ZC3H12B: variants seen among roughly 807,000 people sequenced by gnomAD.
ZC3H12B encodes the protein probable ribonuclease ZC3H12B.
A neutral mutation model predicts 43.9 loss-of-function variants in ZC3H12B; 7 were observed. The observed-to-expected ratio is 0.16, with a 90% CI of 0.09 to 0.30. The LOEUF is 0.30. Among genes scored for constraint, ZC3H12B ranks in the 10% least tolerant of loss-of-function variants. ZC3H12B has a pLI of 1.00. For synonymous variants in ZC3H12B, 222 were observed against 241.7 expected (o/e 0.92, Z 0.76); for missense variants, 475 against 670.2 (o/e 0.71, Z 3.22).
At chrX:65,197,781 C>G in the ZC3H12B span, among the ~76,000 whole-genome samples, 7 of 112,301 alleles carry the variant, frequency 6.2e-5, no homozygotes, top group Non-Finnish European at 1.3e-4. Context: ...TTCAATCACT[C>G]GATCTAGGTT....
chrX:65,474,455 A>T (rs2067966438), intron 3 of ZC3H12B, among the ~76,000 whole-genome samples: 1 of 111,495 alleles, frequency 9.0e-6, no homozygotes, highest in Non-Finnish European at 1.9e-5. Flanking sequence ...AAAGAAAAAA[A>T]TCTATTCAGC....
chrX:65,154,171 G>T, the ZC3H12B span, among the ~76,000 whole-genome samples: 1 of 111,042 alleles, frequency 9.0e-6, no homozygotes, highest in Non-Finnish European at 1.9e-5. Context: ...CATGTCACAT[G>T]TATACATATG....
chrX:65,346,278 CA>C, the ZC3H12B span, among the ~76,000 whole-genome samples: 1 of 104,823 alleles, frequency 9.5e-6, no homozygotes, highest in Non-Finnish European at 2.0e-5. Context: ...AAAAAAAATA[CA>C]CATAGAATAA....
the ZC3H12B span, among the ~76,000 whole-genome samples, chrX:65,234,844 T>A: frequency 9.0e-6 from 1 of 111,318 alleles, no homozygotes; most frequent in African/African-American, 3.3e-5. Context: ...ATGCTCTTTC[T>A]CCCCCCACCA....
the ZC3H12B span, among the ~76,000 whole-genome samples, chrX:65,106,239 T>C: frequency 2.7e-5 from 3 of 111,744 alleles, no homozygotes; most frequent in African/African-American, 9.7e-5. Context: ...CCACTAATCA[T>C]TAATAGCATT....
chrX:65,447,139 T>C (rs2067388522), intron 3 of ZC3H12B, among the ~76,000 whole-genome samples: 2 of 111,594 alleles, frequency 1.8e-5, no homozygotes, highest in South Asian at 7.5e-4. Flanking sequence ...CTCTTCTCCT[T>C]CTTGCACTTC....
the ZC3H12B span, among the ~76,000 whole-genome samples, chrX:65,281,983 A>G: frequency 8.9e-6 from 1 of 112,156 alleles, no homozygotes; most frequent in Non-Finnish European, 1.9e-5. Flanking sequence ...GTGATGCACC[A>G]CATTAAAGAA....
the ZC3H12B span, among the ~76,000 whole-genome samples, chrX:65,170,940 A>AT: frequency 6.3e-5 from 7 of 111,226 alleles, no homozygotes; most frequent in African/African-American, 2.3e-4. Context: ...TTCGTCTAAT[A>AT]TTTTTTCAAG....
At chrX:65,363,755 C>A (rs1182078794), upstream of ZC3H12B, among the ~76,000 whole-genome samples, 1 of 112,214 alleles carries the variant, frequency 8.9e-6, no homozygotes, top group Non-Finnish European at 1.9e-5. Context: ...TGTCTCCATG[C>A]AGCGGCCGCT....
At chrX:65,044,316 T>C in the ZC3H12B span, among the ~76,000 whole-genome samples, 2 of 110,906 alleles carry the variant, frequency 1.8e-5, no homozygotes, top group East Asian at 5.7e-4. Context: ...CTTGGTATGT[T>C]CAATGAATAT....
chrX:65,130,862 T>C, the ZC3H12B span, among the ~76,000 whole-genome samples: 1 of 111,725 alleles, frequency 9.0e-6, no homozygotes, highest in Non-Finnish European at 1.9e-5. Context: ...GCTAGCTGCT[T>C]TTTTAGCTAC....
chrX:65,062,855 C>CT, the ZC3H12B span, among the ~76,000 whole-genome samples: 3 of 111,730 alleles, frequency 2.7e-5, no homozygotes, highest in Non-Finnish European at 5.6e-5. Flanking sequence ...GTTTGTAGTT[C>CT]TCCTTGAAGA....
chrX:65,360,101 A>C, the ZC3H12B span, among the ~76,000 whole-genome samples: 18 of 112,196 alleles, frequency 1.6e-4, no homozygotes, highest in African/African-American at 5.5e-4. Flanking sequence ...ATTTTCAAAA[A>C]AGTGTGCATT....
the ZC3H12B span, among the ~76,000 whole-genome samples, chrX:65,280,081 G>A: frequency 1.8e-5 from 2 of 111,731 alleles, no homozygotes; most frequent in East Asian, 2.8e-4. Context: ...GAAACCAAAA[G>A]CAAGCAAGGA....
chrX:65,458,895 C>T (rs1264672455), intron 3 of ZC3H12B, among the ~76,000 whole-genome samples: 1 of 110,939 alleles, frequency 9.0e-6, no homozygotes, highest in Non-Finnish European at 1.9e-5. Context: ...CACAAAAAAC[C>T]CTTCAAAAAA....
chrX:65,326,477 G>T, the ZC3H12B span, among the ~76,000 whole-genome samples: 1 of 110,364 alleles, frequency 9.1e-6, no homozygotes, highest in East Asian at 2.8e-4. Flanking sequence ...AAGATAGAGA[G>T]CAGATAAGGG....
the ZC3H12B span, among the ~76,000 whole-genome samples, chrX:65,109,122 T>C: frequency 4.5e-5 from 5 of 111,655 alleles, no homozygotes; most frequent in African/African-American, 1.3e-4. Flanking sequence ...GAGTACATAA[T>C]GACTAAAATA....
chrX:65,331,729 G>A, the ZC3H12B span, among the ~76,000 whole-genome samples: 1 of 110,992 alleles, frequency 9.0e-6, no homozygotes, highest in East Asian at 2.8e-4. Context: ...AGCAAGGGGT[G>A]TATTATTCAT....
At chrX:65,238,559 T>C in the ZC3H12B span, among the ~76,000 whole-genome samples, 1 of 111,537 alleles carries the variant, frequency 9.0e-6, no homozygotes, top group Non-Finnish European at 1.9e-5. Flanking sequence ...CTGAGTTTTG[T>C]GAAGTTTTGT....
Sources: allele counts gnomAD v4.1 joint callset (sites outside exome capture counted in the v4.1 genomes callset), GRCh38; gene constraint gnomAD v4.1.1; transcripts MANE v1.5; gene names NCBI Gene and HGNC (gene_info 2026-07-23, HGNC 2026-07-21).